Variants in DLEC1 observed in about 807,000 individuals in gnomAD.
DLEC1 encodes DLEC1 cilia and flagella associated protein, also known as deleted in lung and esophageal cancer protein 1.
In DLEC1, 146 loss-of-function variants were observed where a neutral mutation model predicts 198.1. The ratio of observed to expected loss-of-function variants is 0.74; its 90% CI spans 0.64 to 0.85. DLEC1 has a LOEUF of 0.85. Ranked by LOEUF, DLEC1 falls within the 40% of genes least tolerant of loss-of-function variation. The probability of loss-of-function intolerance (pLI) is 0.00; values close to 1 mark genes in which losing one functional copy is unlikely to be tolerated. For missense variants in DLEC1, 2,233 were observed against 2,220.0 expected, an observed-to-expected ratio of 1.01 and a Z score of -0.12; for synonymous variants, 897 against 866.8, an observed-to-expected ratio of 1.03 and a Z score of -0.61.
intron 2 of DLEC1, among the ~76,000 whole-genome samples, 157 bp from the exon 3 acceptor site, chr3:38,059,585 T>C (rs746452605): frequency 1.3e-5 from 2 of 152,242 alleles, no homozygotes; most frequent in Non-Finnish European, 2.9e-5. Context: ...GGCTGATAGA[T>C]ACTTGATGAG....
At chr3:38,059,891 G>A (rs753558054) in intron 3 of DLEC1, 39 bp downstream of exon 3, 1 of 1,588,628 alleles carries the variant, frequency 6.3e-7, no homozygotes, top group Admixed American at 1.7e-5. Flanking sequence ...GATACCATTT[G>A]GGGGAAGTTC....
intron 2 of DLEC1, 64 bp from the exon 3 acceptor site, chr3:38,059,676 TGG>T: frequency 1.5e-6 from 2 of 1,337,758 alleles, no homozygotes; most frequent in Non-Finnish European, 2.1e-6. Context: ...GAAGAAAGTT[TGG>T]GTGTGGGTTC....
rs752214445 is a variant in DLEC1, at chr3:38,109,578, G to A, written c.3260+16G>A. 1.9e-5 allele frequency: 31 copies of A among 1,613,868 alleles called. No individual in the cohort carries two copies. The highest frequency in any genetic ancestry group is 9.3e-6 in the Non-Finnish European group (11 of 1,179,968). ...CTGATTGCAGGTGAGCCCAGGGTTG[G>A]TGGTCTGGGGGTGGCAGTGGACTGA... On this transcript the variant is annotated intron_variant, in intron 22 of 36. Coordinates refer to ENST00000308059, the MANE Select transcript of DLEC1 (RefSeq NM_007335.4).
intron 10 of DLEC1, among the ~76,000 whole-genome samples, chr3:38,088,629 C>CTGTATA (rs1698589860): frequency 2.6e-5 from 4 of 152,176 alleles, no homozygotes; most frequent in African/African-American, 9.7e-5. Flanking sequence ...CCTTGCTAGT[C>CTGTATA]CACACCTTTA....
intron 2 of DLEC1, among the ~76,000 whole-genome samples, chr3:38,052,814 C>G (rs1253508743): frequency 6.6e-6 from 1 of 152,096 alleles, no homozygotes; most frequent in Non-Finnish European, 1.5e-5. Flanking sequence ...CACTGGTCTC[C>G]CTCTGATGCC....
At chr3:38,054,238 A>G (rs1213163645) in intron 2 of DLEC1, among the ~76,000 whole-genome samples, 1 of 152,030 alleles carries the variant, frequency 6.6e-6, no homozygotes, top group African/African-American at 2.4e-5. Flanking sequence ...AACAAACAAA[A>G]ACAAAAACAA....
At chr3:38,083,337 C>T (rs972971243) in intron 6 of DLEC1, among the ~76,000 whole-genome samples, 1 of 150,956 alleles carries the variant, frequency 6.6e-6, no homozygotes, top group Admixed American at 6.6e-5. Flanking sequence ...AGGAAAATTA[C>T]AGTCAAAGGG....
At position 38,039,242 on chromosome 3, in the gene DLEC1, C is replaced by T. The variant is rs1308369828; in HGVS notation, c.17C>T (p.Ser6Phe). Residue 6 changes from serine to phenylalanine, a missense_variant, in exon 1 of 37, where the codon TCC (serine) becomes TTC (phenylalanine). Physicochemically the swap from Ser to Phe is radical, Grantham distance 155 (BLOSUM62 -2). Coordinates refer to ENST00000308059, the MANE Select transcript of DLEC1 (RefSeq NM_007335.4). Reference protein sequence around the residue: METRSSKTRRSLASRT... With the variant: METRSFKTRRSLASRT... ...TCGGTTGCCATGGAGACCAGGAGCTCCAAAACGCGGAGGTCTTTAGCGTCC... is the reference window on the plus strand; with the variant it reads ...TCGGTTGCCATGGAGACCAGGAGCTTCAAAACGCGGAGGTCTTTAGCGTCC... The T allele has an allele frequency of 6.2e-7, 1 of 1,606,608 alleles. No individual in the cohort carries two copies. Among genetic ancestry groups the T allele is most frequent in the Non-Finnish European group, 8.5e-7 (1 of 1,175,152 alleles).
chr3:38,085,096 G>A (rs548760614), intron 7 of DLEC1, among the ~76,000 whole-genome samples, 178 bp from the exon 8 acceptor site: 1 of 152,342 alleles, frequency 6.6e-6, no homozygotes, highest in African/African-American at 2.4e-5. Flanking sequence ...CTTACCTGGA[G>A]TCGCCACCCT....
chr3:38,107,504 G>C (rs1559453439), intron 19 of DLEC1, 80 bp from the exon 20 acceptor site: 2 of 1,374,976 alleles, frequency 1.5e-6, no homozygotes, highest in East Asian at 2.6e-5. Flanking sequence ...TTTCTACATA[G>C]ACTGCATGTC....
At chr3:38,080,699 GGGA>G (rs1457399490) in intron 6 of DLEC1, among the ~76,000 whole-genome samples, 8 of 151,978 alleles carry the variant, frequency 5.3e-5, no homozygotes, top group Non-Finnish European at 1.0e-4. Flanking sequence ...CACAGGCTAA[GGGA>G]GGAGAAGGAG....
At chr3:38,113,322 A>G (rs1699984313) in intron 25 of DLEC1, among the ~76,000 whole-genome samples, 1 of 152,218 alleles carries the variant, frequency 6.6e-6, no homozygotes, top group African/African-American at 2.4e-5. Flanking sequence ...GGATACAGAC[A>G]TTGGGCCACA....
chr3:38,069,509 G>A (rs1172050131), intron 6 of DLEC1, among the ~76,000 whole-genome samples: 2 of 151,232 alleles, frequency 1.3e-5, no homozygotes, highest in African/African-American at 4.9e-5. Context: ...ACACACACAC[G>A]CAGCCAATTC....
intron 13 of DLEC1, 34 bp downstream of exon 13, chr3:38,095,105 G>A (rs754851982): frequency 1.2e-6 from 2 of 1,608,716 alleles, no homozygotes; most frequent in Non-Finnish European, 1.7e-6. Flanking sequence ...GCCACACATG[G>A]TTGGATCATG....
At position 38,100,481 on chromosome 3, in the gene DLEC1, TTATC is replaced by T. The variant is rs1457415910; in HGVS notation, c.2864+60_2864+63del. 19 of 1,508,846 alleles carry T rather than the reference TTATC, an allele frequency of 1.3e-5. No individual in the cohort carries two copies. In the Admixed American group the frequency reaches 3.9e-4, roughly 31 times the overall value. The allele number at this position is 1,508,846 out of a possible 1,614,324, so 93.5% of individuals were successfully genotyped here. ...CAAACTATGCATATTCGTGATGTAT[TTATC>T]TATATTATATATTTATCTAGAGATG... On this transcript the variant is annotated intron_variant, in intron 19 of 36. Coordinates refer to ENST00000308059, the MANE Select transcript of DLEC1 (RefSeq NM_007335.4).
intron 6 of DLEC1, 118 bp from the exon 7 acceptor site, chr3:38,084,040 G>C: frequency 1.1e-6 from 1 of 926,222 alleles, no homozygotes; most frequent in East Asian, 2.9e-5. Context: ...CCAACATGTG[G>C]CCAAGCCTAT....
At position 38,063,867 on chromosome 3, in the gene DLEC1, C is replaced by T. The variant is rs1367869202; in HGVS notation, c.1121C>T (p.Ala374Val). The change falls in exon 6 of 37, where the codon GCT (alanine) becomes GTT (valine). Residue 374 changes from alanine (A) to valine (V), a missense_variant. By Grantham distance (64) the Ala-to-Val change is moderately conservative (BLOSUM62 0). Coordinates refer to ENST00000308059, the MANE Select transcript of DLEC1 (RefSeq NM_007335.4). ...TGTGCTGATACTCCAGTGTTTCTAG[C>T]TAAGCCACCAATTGGGTTTTTCACA... is the stretch of plus-strand genomic sequence containing the variant. Reference protein sequence around the residue: ...QSCADTPVFLAKPPIGFFTDY... With the variant: ...QSCADTPVFLVKPPIGFFTDY... 1 of 1,613,664 alleles carries T rather than the reference C, an allele frequency of 6.2e-7. No individual in the cohort carries two copies. The highest frequency in any genetic ancestry group is 8.5e-7 in the Non-Finnish European group (1 of 1,179,726).
chr3:38,112,205 C>T lies in DLEC1; in HGVS notation c.3515-5C>T, dbSNP rs756094891. The T allele has an allele frequency of 6.2e-7, 1 of 1,614,032 alleles. No homozygotes were observed. The highest frequency in any genetic ancestry group is 1.1e-5 in the South Asian group (1 of 91,082). On this transcript the variant is annotated splice_region_variant and splice_polypyrimidine_tract_variant and intron_variant, in intron 24 of 36. Coordinates refer to ENST00000308059, the MANE Select transcript of DLEC1 (RefSeq NM_007335.4). This position sits in a 1 kb window ranked among gnomAD's most constrained non-coding sequence, Gnocchi z 4.8. ...GAATCCCCCACAGTCGCGGTTCTTT[C>T]CCAGATTTTATGGAGAGCATGCTAT...
chr3:38,092,420 A>T (rs879569559), intron 10 of DLEC1, among the ~76,000 whole-genome samples: 4 of 152,142 alleles, frequency 2.6e-5, no homozygotes, highest in Non-Finnish European at 4.4e-5. Flanking sequence ...AAAACAAATC[A>T]TTGCATTTAT....
Sources: allele counts gnomAD v4.1 joint callset (sites outside exome capture counted in the v4.1 genomes callset), GRCh38; gene constraint gnomAD v4.1.1; non-coding constraint Gnocchi (gnomAD v3.1); transcripts MANE v1.5; gene names NCBI Gene and HGNC (gene_info 2026-07-23, HGNC 2026-07-21).